Variants in COL21A1 observed in about 807,000 individuals in gnomAD.
COL21A1 encodes the protein collagen type XXI alpha 1 chain, also known as collagen alpha-1(XXI) chain.
In COL21A1, 149 loss-of-function variants were observed where a neutral mutation model predicts 137.9. The ratio of observed to expected loss-of-function variants is 1.08; its 90% confidence interval spans 0.95 to 1.24. The LOEUF is 1.24. COL21A1 is among the 50% of genes most tolerant of loss of function. The pLI is 0.00. For synonymous variants in COL21A1, 456 were observed against 391.5 expected (o/e 1.16, Z -1.95); for missense variants, 1,167 against 1,158.4 (o/e 1.01, Z -0.11).
chr6:56,086,612 G>A (rs912692385), intron 17 of COL21A1, among the ~76,000 whole-genome samples: 3 of 152,120 alleles, frequency 2.0e-5, no homozygotes, highest in African/African-American at 7.2e-5. Flanking sequence ...AGAAGAGGAG[G>A]GGTTGGTCTT....
intron 1 of COL21A1, among the ~76,000 whole-genome samples, chr6:56,379,125 G>A (rs1158128106): frequency 6.6e-6 from 1 of 152,218 alleles, no homozygotes; most frequent in Non-Finnish European, 1.5e-5. Flanking sequence ...AACAAGCCCA[G>A]ACGGCGAAGA....
chr6:56,325,145 T>C (rs1244399115), intron 1 of COL21A1, among the ~76,000 whole-genome samples: 1 of 147,274 alleles, frequency 6.8e-6, no homozygotes, highest in Admixed American at 7.2e-5. Flanking sequence ...GCCTCCTATG[T>C]TGCATAAAAT....
intron 12 of COL21A1, among the ~76,000 whole-genome samples, chr6:56,134,205 C>G (rs1773804966): frequency 6.6e-6 from 1 of 152,176 alleles, no homozygotes; most frequent in African/African-American, 2.4e-5. Context: ...CTGCCCAAGA[C>G]CATGGGAACC....
intron 9 of COL21A1, among the ~76,000 whole-genome samples, chr6:56,163,301 T>C (rs1042552761): frequency 1.3e-5 from 2 of 152,252 alleles, no homozygotes; most frequent in Admixed American, 1.3e-4. Context: ...TTAGGTGATA[T>C]TTTAATATAA....
chr6:56,229,427 A>T (rs1435444114), intron 1 of COL21A1, among the ~76,000 whole-genome samples: 1 of 152,012 alleles, frequency 6.6e-6, no homozygotes, highest in Non-Finnish European at 1.5e-5. Context: ...TTTTAAACTT[A>T]CATATGTTTT....
intron 12 of COL21A1, among the ~76,000 whole-genome samples, chr6:56,128,741 G>GC (rs887142210): frequency 1.3e-5 from 2 of 152,206 alleles, no homozygotes; most frequent in East Asian, 1.9e-4. Flanking sequence ...TGCAACCTCT[G>GC]CCCCCCAGGC....
chr6:56,241,208 C>T (rs757991676), intron 1 of COL21A1, among the ~76,000 whole-genome samples: 1 of 152,122 alleles, frequency 6.6e-6, no homozygotes, highest in Non-Finnish European at 1.5e-5. Flanking sequence ...AGACTGGTGC[C>T]CTCAGGACTG....
At chr6:56,063,302 T>C (rs561917685) in intron 24 of COL21A1, among the ~76,000 whole-genome samples, 1 of 152,278 alleles carries the variant, frequency 6.6e-6, no homozygotes, top group Admixed American at 6.5e-5. Flanking sequence ...AATATCCTTC[T>C]TTTCTGAGAG....
chr6:56,120,821 A>G (rs2152205708), intron 16 of COL21A1, among the ~76,000 whole-genome samples: 1 of 152,078 alleles, frequency 6.6e-6, no homozygotes, highest in Admixed American at 6.6e-5. Flanking sequence ...AAAAAAACTA[A>G]AAATGGAGCT....
intron 1 of COL21A1, among the ~76,000 whole-genome samples, chr6:56,231,583 C>T (rs1781564087): frequency 6.6e-6 from 1 of 151,794 alleles, no homozygotes. Flanking sequence ...TCTTCCATTT[C>T]CAATTGGCTA....
At chr6:56,167,107 T>C (rs1776642547) in intron 6 of COL21A1, 124 bp from the exon 7 acceptor site, 7 of 678,972 alleles carry the variant, frequency 1.0e-5, no homozygotes, top group Non-Finnish European at 1.5e-5. Context: ...TCACAGCATT[T>C]AGCTAAAACA....
chr6:56,265,048 C>T (rs1310520772), intron 1 of COL21A1, among the ~76,000 whole-genome samples: 1 of 152,164 alleles, frequency 6.6e-6, no homozygotes, highest in Non-Finnish European at 1.5e-5. Flanking sequence ...ACAGTAGATG[C>T]CTGCTTACAT....
intron 12 of COL21A1, among the ~76,000 whole-genome samples, chr6:56,129,699 T>TGTGTGTGTGAGA (rs1450514214): frequency 9.9e-4 from 119 of 120,510 alleles, no homozygotes; most frequent in East Asian, 6.6e-3. Flanking sequence ...TGTGTGTGTG[T>TGTGTGTGTGAGA]GAGAGAGAGA....
intron 1 of COL21A1, among the ~76,000 whole-genome samples, chr6:56,302,629 GC>G (rs1464890389): frequency 1.3e-5 from 2 of 152,010 alleles, no homozygotes; most frequent in East Asian, 3.9e-4. Flanking sequence ...CTGGATATTA[GC>G]CCTTTGTCAG....
intron 1 of COL21A1, among the ~76,000 whole-genome samples, chr6:56,352,375 T>A (rs149495272): frequency 2.7e-3 from 406 of 152,030 alleles, no homozygotes; most frequent in South Asian, 9.4e-3. Context: ...AAGGAAGGTT[T>A]CCAGAACACC....
At chr6:56,208,705 C>G (rs997312284) in intron 1 of COL21A1, among the ~76,000 whole-genome samples, 2 of 152,068 alleles carry the variant, frequency 1.3e-5, no homozygotes, top group Non-Finnish European at 2.9e-5. Flanking sequence ...GAAAAAGAGC[C>G]CACATAGCCA....
At chr6:56,188,523 C>G (rs1463885421) in intron 1 of COL21A1, among the ~76,000 whole-genome samples, 1 of 152,206 alleles carries the variant, frequency 6.6e-6, no homozygotes, top group Non-Finnish European at 1.5e-5. Context: ...TCTCCCTGGA[C>G]AGAGCACCTG....
At chr6:56,147,292 T>C (rs982009278) in intron 10 of COL21A1, among the ~76,000 whole-genome samples, 12 of 152,118 alleles carry the variant, frequency 7.9e-5, no homozygotes, top group African/African-American at 2.9e-4. Flanking sequence ...ATGTTGTGTG[T>C]GTGCATTTAT....
chr6:56,225,019 C>T (rs759633141), intron 1 of COL21A1, among the ~76,000 whole-genome samples: 10 of 151,688 alleles, frequency 6.6e-5, no homozygotes, highest in Non-Finnish European at 1.3e-4. Context: ...GAAAGAAAAA[C>T]AAAATTCTGA....
Sources: gnomAD v4.1 joint callset for allele counts (sites outside exome capture counted in the v4.1 genomes callset) on GRCh38, gnomAD v4.1.1 for gene constraint, MANE v1.5 for transcripts, NCBI Gene and HGNC (gene_info 2026-07-23, HGNC 2026-07-21) for gene names.